The following PCDH15 variants were observed in gnomAD, a reference collection of about 807,000 sequenced individuals.
PCDH15 encodes protocadherin-15.
Under a neutral mutation model 178.5 loss-of-function variants are expected in PCDH15, and 129 were observed. The observed-to-expected ratio is 0.72, with a 90% CI of 0.63 to 0.84. The LOEUF (loss-of-function observed/expected upper bound fraction) is 0.84. Among genes scored for constraint, PCDH15 ranks in the 40% least tolerant of loss-of-function variants. The pLI is 0.00. For synonymous variants in PCDH15, 800 were observed against 732.0 expected (o/e 1.09, Z -1.50); for missense variants, 2,230 against 2,099.9 (o/e 1.06, Z -1.21).
intron 21 of PCDH15, among the ~76,000 whole-genome samples, chr10:53,969,067 A>G (rs1390388583): frequency 1.3e-5 from 2 of 152,180 alleles, no homozygotes; most frequent in Non-Finnish European, 2.9e-5. Context: ...TCCGAGCTAA[A>G]GGAGGATGTT....
chr10:54,352,041 T>C (rs567225255), intron 5 of PCDH15, among the ~76,000 whole-genome samples: 1 of 152,336 alleles, frequency 6.6e-6, no homozygotes, highest in African/African-American at 2.4e-5. Flanking sequence ...ATTTGGTGAT[T>C]AGAAAATTCC....
At chr10:54,399,843 C>A (rs1951718062) in intron 3 of PCDH15, among the ~76,000 whole-genome samples, 1 of 152,098 alleles carries the variant, frequency 6.6e-6, no homozygotes, top group Non-Finnish European at 1.5e-5. Context: ...AAACAGCTAT[C>A]CAAATTTGGA....
chr10:55,380,251 T>A (rs1333473283), intron 2 of PCDH15, among the ~76,000 whole-genome samples: 2 of 152,120 alleles, frequency 1.3e-5, no homozygotes, highest in East Asian at 3.9e-4. Context: ...ATAAATACAA[T>A]GTCACTAAAA....
At chr10:55,594,851 A>T (rs1263425647) in intron 2 of PCDH15, among the ~76,000 whole-genome samples, 2 of 152,080 alleles carry the variant, frequency 1.3e-5, no homozygotes, top group African/African-American at 4.8e-5. Flanking sequence ...GTGACAAGAA[A>T]GGTCTTCTGT....
chr10:54,978,455 G>A (rs1350741432), intron 2 of PCDH15, among the ~76,000 whole-genome samples: 1 of 152,108 alleles, frequency 6.6e-6, no homozygotes. Context: ...GTGTATAACA[G>A]ATTAGAATAT....
Position 54,017,705 on chromosome 10 carries a change from A to G in PCDH15, c.2751+2487T>C, listed in dbSNP as rs146687231. ...TTATTGGGTACTATATTCACTATCT[A>G]GTTGACAAGGTCATTCATATCCCAA... is the stretch of plus-strand genomic sequence containing the variant. On this transcript the variant is annotated intron_variant, in intron 20 of 37. Coordinates refer to ENST00000644397, the MANE Select transcript of PCDH15 (RefSeq NM_001384140.1). Among the ~76,000 whole-genome samples, 1,027 of 152,226 alleles carry G rather than the reference A, an allele frequency of 6.7e-3. 13 individuals are homozygous for G. The highest frequency in any genetic ancestry group is 0.023 in the African/African-American group (956 of 41,540).
intron 21 of PCDH15, among the ~76,000 whole-genome samples, chr10:53,982,920 T>G (rs921969561): frequency 6.6e-6 from 1 of 152,134 alleles, no homozygotes; most frequent in African/African-American, 2.4e-5. Flanking sequence ...CTTAAACACA[T>G]AATTATCAAG....
At chr10:54,260,786 T>C (rs1044630042) in intron 8 of PCDH15, among the ~76,000 whole-genome samples, 16 of 152,116 alleles carry the variant, frequency 1.1e-4, no homozygotes, top group Non-Finnish European at 4.4e-5. Context: ...GCATGCACCA[T>C]CACCTCTGGC....
chr10:55,587,444 A>G (rs1339933725), intron 2 of PCDH15, among the ~76,000 whole-genome samples: 1 of 151,994 alleles, frequency 6.6e-6, no homozygotes, highest in African/African-American at 2.4e-5. Flanking sequence ...ATATATTTTT[A>G]GCTCCCTTCT....
intron 1 of PCDH15, among the ~76,000 whole-genome samples, chr10:55,300,963 A>G (rs1944418326): frequency 6.6e-6 from 1 of 152,168 alleles, no homozygotes; most frequent in Admixed American, 6.6e-5. Context: ...TTTTATAGTC[A>G]CATCTACATG....
intron 2 of PCDH15, among the ~76,000 whole-genome samples, chr10:54,588,749 T>C (rs1024043219): frequency 6.6e-6 from 1 of 152,066 alleles, no homozygotes; most frequent in African/African-American, 2.4e-5. Context: ...CTAATTTCTA[T>C]TTTTTGTAAA....
chr10:55,301,624 T>G (rs747196327), intron 1 of PCDH15, among the ~76,000 whole-genome samples: 3 of 152,110 alleles, frequency 2.0e-5, no homozygotes, highest in Non-Finnish European at 2.9e-5. Flanking sequence ...CAATTTTTCC[T>G]TTTATAAATT....
At chr10:54,809,335 T>C (rs1454280302) in intron 3 of PCDH15, among the ~76,000 whole-genome samples, 1 of 152,178 alleles carries the variant, frequency 6.6e-6, no homozygotes, top group African/African-American at 2.4e-5. Flanking sequence ...TGATTTCCTC[T>C]GTAATTCCTA....
intron 2 of PCDH15, among the ~76,000 whole-genome samples, chr10:55,450,049 C>A (rs974742184): frequency 6.6e-6 from 1 of 151,960 alleles, no homozygotes; most frequent in Non-Finnish European, 1.5e-5. Flanking sequence ...TTATTTTAAC[C>A]TTTACTTATT....
intron 2 of PCDH15, among the ~76,000 whole-genome samples, chr10:54,571,867 G>T (rs2089892118): frequency 6.6e-6 from 1 of 152,132 alleles, no homozygotes; most frequent in South Asian, 2.1e-4. Flanking sequence ...CAAAAATTGT[G>T]AAAATTTCTA....
chr10:53,912,463 G>T (rs1395864088), intron 25 of PCDH15, among the ~76,000 whole-genome samples: 1 of 152,140 alleles, frequency 6.6e-6, no homozygotes, highest in East Asian at 1.9e-4. Context: ...GCAAGAGAAA[G>T]AAATAAAGGG....
chr10:54,690,723 T>A (rs2095105693), intron 1 of PCDH15, among the ~76,000 whole-genome samples: 1 of 152,150 alleles, frequency 6.6e-6, no homozygotes, highest in African/African-American at 2.4e-5. Context: ...CAGTAATAAC[T>A]ATAATAAGAA....
chr10:54,288,782 G>T (rs1207837699), intron 8 of PCDH15, among the ~76,000 whole-genome samples: 1 of 152,212 alleles, frequency 6.6e-6, no homozygotes, highest in African/African-American at 2.4e-5. Flanking sequence ...GTCTGAGATT[G>T]AACTGCGGGG....
chr10:53,857,466 A>T (rs903548393), intron 27 of PCDH15, among the ~76,000 whole-genome samples: 1 of 152,126 alleles, frequency 6.6e-6, no homozygotes, highest in African/African-American at 2.4e-5. Flanking sequence ...GAGCATGAGA[A>T]ACTATTTGTT....
Sources: allele counts gnomAD v4.1 joint callset (sites outside exome capture counted in the v4.1 genomes callset), GRCh38; gene constraint gnomAD v4.1.1; transcripts MANE v1.5; gene names NCBI Gene and HGNC (gene_info 2026-07-23, HGNC 2026-07-21).